SPDYE1: variants seen among roughly 807,000 people sequenced by gnomAD.
SPDYE1 encodes speedy/RINGO cell cycle regulator family member E1, also known as speedy protein E1.
In SPDYE1, 29 loss-of-function variants were observed where a neutral mutation model predicts 45.9. The ratio of observed to expected loss-of-function variants is 0.63; its 90% CI spans 0.47 to 0.86. SPDYE1 has a LOEUF of 0.86. Among genes scored for constraint, SPDYE1 ranks in the 40% least tolerant of loss-of-function variants. SPDYE1 has a pLI of 0.00. For synonymous variants in SPDYE1, 134 were observed against 176.8 expected (o/e 0.76, Z 1.92); for missense variants, 346 against 481.4 (o/e 0.72, Z 2.63).
intron 2 of SPDYE1, among the ~76,000 whole-genome samples, chr7:44,000,428 AAAAAG>A (rs1339777221): frequency 3.1e-4 from 47 of 150,906 alleles, no homozygotes; most frequent in African/African-American, 9.3e-4. Context: ...CAAAAAAAAA[AAAAAG>A]AAAAGAAAAG....
intron 4 of SPDYE1, among the ~76,000 whole-genome samples, chr7:44,003,311 A>AGCC: frequency 6.8e-6 from 1 of 147,128 alleles, no homozygotes; most frequent in African/African-American, 2.5e-5. Context: ...AGGCCACTGC[A>AGCC]TTCCAGCCTG....
intron 1 of SPDYE1, among the ~76,000 whole-genome samples, chr7:43,998,225 C>T (rs1279932574): frequency 6.6e-6 from 1 of 152,106 alleles, no homozygotes; most frequent in Admixed American, 6.6e-5. Flanking sequence ...ATGGGATCTG[C>T]TTCCTCTTTC....
Position 44,000,894 on chromosome 7 carries a change from A to C in SPDYE1, c.161-172A>C. ...AGGACAGAGAGAGAGAAGAATGGGG[A>C]GGGGAAGGAGCGGCACATGGGGTTG... On this transcript the variant is annotated intron_variant, in intron 2 of 8. Transcript: ENST00000693451. The C allele has an allele frequency of 3.4e-6, 5 of 1,456,364 alleles. No individual in the cohort carries two copies. In the East Asian group the frequency reaches 1.2e-4, roughly 36 times the overall value. The allele number at this position is 1,456,364 out of a possible 1,614,324, so 90.2% of individuals were successfully genotyped here.
In SPDYE1 at chr7:44,009,757, T is replaced by C. The variant is rs1323150329; in HGVS notation, c.*1136T>C. The C allele has an allele frequency of 6.6e-6, 1 of 151,538 alleles. No individual in the cohort carries two copies. Among genetic ancestry groups the C allele is most frequent in the Non-Finnish European group, 1.5e-5 (1 of 67,882 alleles). The allele number at this position is 151,538 out of a possible 1,614,324, so 9.4% of individuals were successfully genotyped here. ...TTATATACACATACATATAATTTTG[T>C]TTTCCTTTTTAAGAGAGGATTCTTT... is the stretch of plus-strand genomic sequence containing the variant. On this transcript the variant is annotated 3_prime_UTR_variant, in exon 9 of 9. Coordinates refer to ENST00000693451, the MANE Select transcript of SPDYE1 (RefSeq NM_001378423.2).
rs2096062251 is a variant in SPDYE1, at chr7:44,001,087, CCCCAT to C, written c.183_187del (p.Pro62Ter). On this transcript the variant is annotated frameshift_variant, in exon 3 of 9. Transcript: ENST00000693451. LOFTEE classifies it high-confidence loss of function. ...TCAGCCCCTGGGGTAGATCCCAGCC[CCCCAT>C]GTAGGTCCCTTGGCTGGAAAAGGAA... 6.3e-7 allele frequency: 1 copy of C among 1,597,532 alleles called. No homozygotes were observed.
chr7:44,006,637 C>CA (rs952068786), intron 6 of SPDYE1, among the ~76,000 whole-genome samples: 1 of 152,096 alleles, frequency 6.6e-6, no homozygotes, highest in Non-Finnish European at 1.5e-5. Context: ...TTTATTGAGA[C>CA]AGAGTCTTGC....
chr7:44,001,995 AG>A (rs1469971584), intron 3 of SPDYE1, among the ~76,000 whole-genome samples: 2 of 150,126 alleles, frequency 1.3e-5, no homozygotes, highest in Admixed American at 1.3e-4. Context: ...GGAGCACGTG[AG>A]GAGGGTGTGT....
At chr7:43,999,323 A>C (rs143399816) in intron 1 of SPDYE1, among the ~76,000 whole-genome samples, 55 of 152,312 alleles carry the variant, frequency 3.6e-4, no homozygotes, top group African/African-American at 1.2e-3. Context: ...AATGTGAGTA[A>C]ACATTCAGCA....
intron 6 of SPDYE1, among the ~76,000 whole-genome samples, chr7:44,006,162 C>G (rs959155802): frequency 1.3e-5 from 2 of 152,150 alleles, no homozygotes; most frequent in African/African-American, 4.8e-5. Flanking sequence ...TTTCCTGGCT[C>G]GGCTTCACTG....
intron 6 of SPDYE1, chr7:44,005,453 G>A (rs2096069941): frequency 1.3e-5 from 8 of 625,366 alleles, no homozygotes; most frequent in Middle Eastern, 4.7e-4. Flanking sequence ...CGAGGCAGGC[G>A]GATCACCTGA....
chr7:44,001,929 G>GA (rs2096063767), intron 3 of SPDYE1, among the ~76,000 whole-genome samples: 1 of 149,318 alleles, frequency 6.7e-6, no homozygotes. Context: ...GAGAGAGTGA[G>GA]ACGCTGTCTC....
Position 44,000,033 on chromosome 7 carries a change from T to G in SPDYE1, c.84T>G (p.Asn28Lys), listed in dbSNP as rs1332216721. ...ITTSRQPHRQ[N>K]EQSPQRSTSG... ...CCAGCCGTCAACCGCACCGCCAGAA[T>G]GAGCAGAGTCCCCAGCGGAGCACCT... is the stretch of plus-strand genomic sequence containing the variant. Residue 28 changes from asparagine to lysine, a missense_variant, in exon 2 of 9, where the codon AAT becomes AAG. Coordinates refer to ENST00000693451, the MANE Select transcript of SPDYE1 (RefSeq NM_001378423.2). 1 of 985,240 alleles carries G rather than the reference T, an allele frequency of 1.0e-6. No homozygotes were observed. The highest frequency in any genetic ancestry group is 1.7e-5 in the African/African-American group (1 of 57,208). The allele number at this position is 985,240 out of a possible 1,614,324, so 61.0% of individuals were successfully genotyped here.
intron 6 of SPDYE1, 148 bp from the exon 7 acceptor site, chr7:44,007,120 G>A: frequency 6.5e-7 from 1 of 1,544,978 alleles, no homozygotes; most frequent in Non-Finnish European, 8.8e-7. Context: ...GTCCAGCAGA[G>A]CCCTCCTGAG....
In SPDYE1 at chr7:44,002,781, C is replaced by G. The variant is rs1321752468; in HGVS notation, c.571C>G (p.Leu191Val). 24 of 1,552,220 alleles carry G rather than the reference C, an allele frequency of 1.5e-5. No individual in the cohort carries two copies. Among genetic ancestry groups the G allele is most frequent in the Non-Finnish European group, 1.9e-5 (22 of 1,162,070 alleles). Residue 191 changes from leucine to valine, a missense_variant, in exon 4 of 9, where the codon CTC becomes GTC. Leu to Val is a conservative substitution (Grantham distance 32). Coordinates refer to ENST00000693451, the MANE Select transcript of SPDYE1 (RefSeq NM_001378423.2). ...KLKRRRVSLVLPEHHEAFNRL... is the reference protein window; with the variant it reads ...KLKRRRVSLVVPEHHEAFNRL... Reference sequence around the variant, plus strand: ...GAAGCGACGGCGAGTGTCGCTCGTGCTCCCTGAGCACCACGAGGCCTTCAA... The same window carrying G: ...GAAGCGACGGCGAGTGTCGCTCGTGGTCCCTGAGCACCACGAGGCCTTCAA...
Position 44,007,464 on chromosome 7 carries a change from C to T in SPDYE1, c.949C>T (p.Arg317Cys), listed in dbSNP as rs1298804895. Residue 317 changes from arginine (R) to cysteine (C), a missense_variant, in exon 7 of 9, where the codon CGT (arginine) becomes TGT (cysteine). Coordinates refer to ENST00000693451, the MANE Select transcript of SPDYE1 (RefSeq NM_001378423.2). Reference protein sequence around the residue: ...LVRKRRFQLRRCMNPRARKNR... With the variant: ...LVRKRRFQLRCCMNPRARKNR... ...CCGTAAGCGTCGGTTCCAGTTACGCCGTTGCATGAACCCGAGGGCCAGGAA... is the reference window on the plus strand; with the variant it reads ...CCGTAAGCGTCGGTTCCAGTTACGCTGTTGCATGAACCCGAGGGCCAGGAA... 1.1e-5 allele frequency: 18 copies of T among 1,573,552 alleles called. No individual in the cohort carries two copies. Among genetic ancestry groups the T allele is most frequent in the African/African-American group, 1.4e-5 (1 of 73,340 alleles).
intron 1 of SPDYE1, among the ~76,000 whole-genome samples, chr7:43,998,257 C>T (rs1327982950): frequency 1.3e-5 from 2 of 152,008 alleles, no homozygotes; most frequent in East Asian, 1.9e-4. Flanking sequence ...TTTCTATGAG[C>T]GAGAGACTCC....
At chr7:44,000,271 A>C (rs1188662205) in intron 2 of SPDYE1, among the ~76,000 whole-genome samples, 162 bp downstream of exon 2, 2 of 150,778 alleles carry the variant, frequency 1.3e-5, no homozygotes, top group Non-Finnish European at 3.0e-5. Flanking sequence ...AATATGGTGA[A>C]ACCCCATCTC....
intron 6 of SPDYE1, 91 bp from the exon 7 acceptor site, chr7:44,007,177 C>A (rs770056198): frequency 6.2e-7 from 1 of 1,609,378 alleles, no homozygotes; most frequent in Non-Finnish European, 8.5e-7. Context: ...GAGCTAGGAA[C>A]GGTCCCTTAC....
Position 44,007,218 on chromosome 7 carries a change from A to G in SPDYE1, c.753-50A>G, listed in dbSNP as rs372689704. On this transcript the variant is annotated intron_variant, in intron 6 of 8. Transcript: ENST00000693451. ...TCTCTGGGAAGCTGACCTCAGCCGG[A>G]GGTCTCTCCTGGTGGTGCCCCTGAG... The G allele has an allele frequency of 1.9e-6, 3 of 1,611,966 alleles. No homozygotes were observed. The African/African-American group carries it at 4.0e-5, about 22-fold the overall frequency.
Sources: allele counts gnomAD v4.1 joint callset (sites outside exome capture counted in the v4.1 genomes callset), GRCh38; gene constraint gnomAD v4.1.1; transcripts MANE v1.5; gene names NCBI Gene and HGNC (gene_info 2026-07-23, HGNC 2026-07-21).